PRELID3A: variants seen among roughly 807,000 people sequenced by gnomAD.
PRELID3A encodes PRELI domain containing 3A.
Under a neutral mutation model 23.0 loss-of-function variants are expected in PRELID3A, and 27 were observed. That is an observed-to-expected ratio of 1.17 (90% CI 0.87 to 1.62). The LOEUF (loss-of-function observed/expected upper bound fraction) is 1.62. PRELID3A is among the 40% of genes most tolerant of loss of function. The probability of loss-of-function intolerance (pLI) is 0.00; values close to 1 mark genes in which losing one functional copy is unlikely to be tolerated. For missense variants in PRELID3A, 231 were observed against 231.4 expected (o/e 1.00, Z 0.01); for synonymous variants, 87 against 86.4 (o/e 1.01, Z -0.04).
At position 12,430,560 on chromosome 18, in the gene PRELID3A, AGTGTGT is replaced by A. The variant is rs371287494; in HGVS notation, c.*34-584_*34-579del. 3.8e-3 allele frequency among the ~76,000 whole-genome samples: 456 copies of A among 119,704 alleles called. 1 individual carries two copies. The highest frequency in any genetic ancestry group is 0.014 in the African/African-American group (436 of 30,278). 78.5% of individuals were successfully genotyped at this position (119,704 alleles called of 152,430 possible). A position where few individuals can be genotyped will look rare whatever the true frequency, so the allele number is the denominator to read the frequency against. On this transcript the variant is annotated intron_variant, in intron 6 of 6. Transcript: ENST00000440960. ...ATGTGTATATGTGTGTGGTATGTGG[AGTGTGT>A]GTGTGACATGTGTGCTGTGTGATGT...
intron 1 of PRELID3A, 44 bp downstream of exon 1, chr18:12,408,051 G>C: frequency 8.1e-7 from 1 of 1,241,612 alleles, no homozygotes; most frequent in South Asian, 3.5e-5. Context: ...CCAGACGCCG[G>C]CTCCTGCTCC....
intron 1 of PRELID3A, among the ~76,000 whole-genome samples, chr18:12,415,999 C>T (rs940179451): frequency 6.6e-6 from 1 of 152,178 alleles, no homozygotes; most frequent in African/African-American, 2.4e-5. Flanking sequence ...AGGCTCCTGC[C>T]GCCTGGTTGG....
chr18:12,420,585 C>T (rs1325562829), intron 2 of PRELID3A, 92 bp downstream of exon 2: 1 of 1,303,818 alleles, frequency 7.7e-7, no homozygotes, highest in East Asian at 2.8e-5. Flanking sequence ...CTCATCAGTG[C>T]CTCTGCTGCT....
chr18:12,422,505 C>T lies in PRELID3A; in HGVS notation c.291+876C>T, dbSNP rs1019859939. Among the ~76,000 whole-genome samples, 13 of 152,080 alleles carry T rather than the reference C, an allele frequency of 8.5e-5. No homozygotes were observed. In the East Asian group the frequency reaches 1.2e-3, roughly 14 times the overall value. ...TCCTGAGTAGCTAGGATTACAGCCG[C>T]GTGCCACTACACCTGGCTAATTTTT... On this transcript the variant is annotated intron_variant, in intron 3 of 6. Transcript: ENST00000440960.
At chr18:12,416,794 T>C (rs1785323) in intron 1 of PRELID3A, among the ~76,000 whole-genome samples, 104,486 of 151,536 alleles carry the variant, frequency 0.69, 36,470 homozygotes, top group East Asian at 0.98. Flanking sequence ...TACAGACGCC[T>C]GCCACCGTGC....
Position 12,427,115 on chromosome 18 carries a change from A to G in PRELID3A, c.362+4A>G. 2.5e-6 allele frequency: 4 copies of G among 1,611,336 alleles called. No homozygotes were observed. The highest frequency in any genetic ancestry group is 3.4e-6 in the Non-Finnish European group (4 of 1,177,456). ...CTCATCCAGAGAACCCAGAAATGTG[A>G]GTCATCTCCTGTGGGATTGACACAT... On this transcript the variant is annotated splice_donor_region_variant and intron_variant, in intron 4 of 6. Transcript: ENST00000440960.
intron 1 of PRELID3A, among the ~76,000 whole-genome samples, chr18:12,411,627 G>T (rs1370587089): frequency 6.6e-6 from 1 of 152,244 alleles, no homozygotes; most frequent in African/African-American, 2.4e-5. Flanking sequence ...CAGCTGCCAG[G>T]AATGTCTGGC....
intron 5 of PRELID3A, 97 bp from the exon 6 acceptor site, chr18:12,429,253 G>A (rs766496758): frequency 1.3e-4 from 132 of 990,264 alleles, no homozygotes; most frequent in Middle Eastern, 9.1e-4. Flanking sequence ...TAACTGCAGC[G>A]CTTGCCTTCT....
chr18:12,413,528 G>C (rs764605956), intron 1 of PRELID3A, among the ~76,000 whole-genome samples: 2 of 152,220 alleles, frequency 1.3e-5, no homozygotes, highest in Non-Finnish European at 2.9e-5. Flanking sequence ...GCATGAGGCA[G>C]TCATCCAGCT....
Position 12,420,409 on chromosome 18 carries a change from A to G in PRELID3A, c.117A>G (p.Leu39=). The change falls in exon 2 of 7, where the codon CTA becomes CTG. Residue 39 remains leucine, a synonymous_variant. Coordinates refer to ENST00000440960, the MANE Select transcript of PRELID3A (RefSeq NM_001142405.2). ...CGAGCGTGCTGGGCGTGGATGTGCT[A>G]CAGCGCCGCGTGGACGGCCGCGGCC... ...MNPSVLGVDV[L]QRRVDGRGRL... 6.2e-7 allele frequency: 1 copy of G among 1,604,982 alleles called. No homozygotes were observed.
At chr18:12,414,120 C>G (rs556775546) in intron 1 of PRELID3A, among the ~76,000 whole-genome samples, 6 of 151,950 alleles carry the variant, frequency 3.9e-5, no homozygotes, top group African/African-American at 1.4e-4. Context: ...GAACAAGTGC[C>G]GGCGCCCCCC....
intron 6 of PRELID3A, among the ~76,000 whole-genome samples, chr18:12,430,409 T>G (rs2030532904): frequency 6.8e-6 from 1 of 146,200 alleles, no homozygotes; most frequent in Non-Finnish European, 1.5e-5. Flanking sequence ...GCATGTGCTG[T>G]CTGTGATGTG....
chr18:12,422,647 G>C (rs547624963), intron 3 of PRELID3A, among the ~76,000 whole-genome samples: 1 of 152,020 alleles, frequency 6.6e-6, no homozygotes, highest in Non-Finnish European at 1.5e-5. Context: ...GTGAGCCACC[G>C]CACCTGGCCC....
intron 1 of PRELID3A, among the ~76,000 whole-genome samples, chr18:12,415,446 G>T (rs971171801): frequency 6.6e-6 from 1 of 151,846 alleles, no homozygotes; most frequent in African/African-American, 2.4e-5. Flanking sequence ...TTTTAGTAGA[G>T]ACTGGGTTTC....
intron 1 of PRELID3A, among the ~76,000 whole-genome samples, chr18:12,419,367 G>A (rs1219649826): frequency 2.7e-5 from 4 of 146,222 alleles, no homozygotes; most frequent in African/African-American, 1.0e-4. Context: ...GGTGGCTTAT[G>A]CCTGTAATCC....
chr18:12,418,282 A>G (rs1474387881), intron 1 of PRELID3A, among the ~76,000 whole-genome samples: 1 of 152,244 alleles, frequency 6.6e-6, no homozygotes, highest in African/African-American at 2.4e-5. Flanking sequence ...AGCAATCTAC[A>G]TAACATAACC....
chr18:12,424,945 C>G (rs1452585160), intron 3 of PRELID3A, among the ~76,000 whole-genome samples: 1 of 151,954 alleles, frequency 6.6e-6, no homozygotes, highest in African/African-American at 2.4e-5. Flanking sequence ...GATTTCCAGA[C>G]CAGCTTGGCC....
intron 5 of PRELID3A, among the ~76,000 whole-genome samples, chr18:12,428,363 C>G (rs1337860576): frequency 6.6e-6 from 1 of 152,202 alleles, no homozygotes; most frequent in Non-Finnish European, 1.5e-5. Flanking sequence ...TTGCTTTTCA[C>G]CTGGGCCCGC....
chr18:12,427,230 C>T lies in PRELID3A; in HGVS notation c.372C>T (p.Leu124=). ...TCTTGCTCTTTTGCAGGACCGTGCT[C>T]ACACAAGAAGCCATCATCACTGTGA... ...PHPENPEMTV[L]TQEAIITVKG... is the part of the protein sequence containing the mutation. The change falls in exon 5 of 7, where the codon CTC becomes CTT. Residue 124 remains leucine (L), a synonymous_variant. Transcript: ENST00000440960. The T allele has an allele frequency of 1.2e-6, 2 of 1,614,070 alleles. No individual in the cohort carries two copies. The highest frequency in any genetic ancestry group is 1.7e-6 in the Non-Finnish European group (2 of 1,179,982).
Sources: allele counts gnomAD v4.1 joint callset (sites outside exome capture counted in the v4.1 genomes callset), GRCh38; gene constraint gnomAD v4.1.1; transcripts MANE v1.5; gene names NCBI Gene and HGNC (gene_info 2026-07-23, HGNC 2026-07-21).